Variants in SPATA9 observed in about 807,000 individuals in gnomAD.
SPATA9 encodes spermatogenesis-associated protein 9.
SPATA9 carries 27 observed loss-of-function variants against 25.5 expected under a neutral mutation model. The ratio of observed to expected loss-of-function variants is 1.06; its 90% confidence interval spans 0.78 to 1.46. The LOEUF (loss-of-function observed/expected upper bound fraction) is 1.46. Ranked by LOEUF, SPATA9 falls within the 40% of genes most tolerant of loss-of-function variation. The pLI, the probability that SPATA9 is intolerant of heterozygous loss-of-function variation, is 0.00. For missense variants in SPATA9, 282 were observed against 297.5 expected (o/e 0.95, Z 0.38); for synonymous variants, 102 against 105.7 (o/e 0.97, Z 0.21).
intron 2 of SPATA9, 40 bp downstream of exon 2, chr5:95,682,488 A>AT (rs761081169): frequency 4.4e-6 from 6 of 1,361,650 alleles, no homozygotes; most frequent in Admixed American, 1.9e-5. Flanking sequence ...AATAGAATAT[A>AT]TTTTTTCTAT....
At chr5:95,709,774 A>G in the SPATA9 span, among the ~76,000 whole-genome samples, 1 of 152,130 alleles carries the variant, frequency 6.6e-6, no homozygotes, top group African/African-American at 2.4e-5. Flanking sequence ...TGTAAAGTCA[A>G]TTTCACACTT....
the SPATA9 span, chr5:95,730,945 G>C: frequency 2.1e-6 from 1 of 473,598 alleles, no homozygotes; most frequent in South Asian, 1.5e-5. Context: ...CGGGTTGCTG[G>C]GGCGGCACTC....
the SPATA9 span, among the ~76,000 whole-genome samples, chr5:95,706,248 C>T: frequency 1.3e-5 from 2 of 151,796 alleles, no homozygotes; most frequent in African/African-American, 4.9e-5. Flanking sequence ...AATCTCATGT[C>T]GAATTGTAAT....
chr5:95,679,445 A>C (rs1336479554), intron 2 of SPATA9, among the ~76,000 whole-genome samples: 2 of 152,214 alleles, frequency 1.3e-5, no homozygotes, highest in Non-Finnish European at 2.9e-5. Context: ...GCCAAGGCTA[A>C]GATACAGCAT....
chr5:95,731,991 C>T, the SPATA9 span: 4 of 1,614,160 alleles, frequency 2.5e-6, no homozygotes, highest in East Asian at 8.9e-5. Context: ...TGTTGCTGAA[C>T]GCGGCCAGCA....
At chr5:95,697,916 A>AC (rs567873040) in intron 1 of SPATA9, among the ~76,000 whole-genome samples, 9 of 148,266 alleles carry the variant, frequency 6.1e-5, no homozygotes, top group African/African-American at 2.4e-4. Context: ...AAAAAAAAAA[A>AC]AGCAGCTCAC....
At chr5:95,706,249 G>A in the SPATA9 span, among the ~76,000 whole-genome samples, 107 of 151,952 alleles carry the variant, frequency 7.0e-4, no homozygotes, top group Middle Eastern at 6.8e-3. Context: ...ATCTCATGTC[G>A]AATTGTAATT....
At chr5:95,653,904 A>G (rs185907209), downstream of SPATA9, among the ~76,000 whole-genome samples, 16 of 152,292 alleles carry the variant, frequency 1.1e-4, no homozygotes, top group East Asian at 1.7e-3. Flanking sequence ...TCTCAAAATA[A>G]TAATAATCTA....
chr5:95,706,178 T>C, the SPATA9 span, among the ~76,000 whole-genome samples: 3 of 151,794 alleles, frequency 2.0e-5, no homozygotes. Flanking sequence ...AAGGAGTGGA[T>C]TCACTTACTT....
At chr5:95,689,112 G>A (rs934495628) in intron 1 of SPATA9, among the ~76,000 whole-genome samples, 1 of 152,096 alleles carries the variant, frequency 6.6e-6, no homozygotes, top group Non-Finnish European at 1.5e-5. Flanking sequence ...ACTGTAACCC[G>A]TTATAGTGAA....
chr5:95,688,704 T>G (rs1464458931), intron 1 of SPATA9, among the ~76,000 whole-genome samples: 1 of 152,094 alleles, frequency 6.6e-6, no homozygotes. Flanking sequence ...TAATAGACAC[T>G]GGAGACTCAG....
chr5:95,731,760 C>A, the SPATA9 span: 1 of 1,606,586 alleles, frequency 6.2e-7, no homozygotes, highest in Non-Finnish European at 8.5e-7. Flanking sequence ...GGCTGGTGCC[C>A]ATCCTCGCCG....
intron 1 of SPATA9, among the ~76,000 whole-genome samples, chr5:95,693,497 T>C (rs1252650609): frequency 6.6e-6 from 1 of 152,208 alleles, no homozygotes; most frequent in East Asian, 1.9e-4. Flanking sequence ...AAGATTTTAT[T>C]TATATGAAGC....
intron 2 of SPATA9, among the ~76,000 whole-genome samples, chr5:95,679,813 A>C (rs1217342435): frequency 1.3e-5 from 2 of 152,250 alleles, no homozygotes; most frequent in African/African-American, 2.4e-5. Flanking sequence ...CCAGAACTCT[A>C]CTATAGCTAA....
intron 2 of SPATA9, among the ~76,000 whole-genome samples, chr5:95,676,396 A>G (rs538611307): frequency 6.6e-6 from 1 of 152,346 alleles, no homozygotes; most frequent in South Asian, 2.1e-4. Flanking sequence ...CTGAATTTTT[A>G]AAGAGCTATT....
At chr5:95,720,010 G>A in the SPATA9 span, among the ~76,000 whole-genome samples, 1 of 152,080 alleles carries the variant, frequency 6.6e-6, no homozygotes, top group African/African-American at 2.4e-5. Flanking sequence ...TTCCTATAAG[G>A]GAAGACAGTG....
intron 4 of SPATA9, chr5:95,659,332 A>T (rs1041416366): frequency 6.3e-6 from 1 of 158,616 alleles, no homozygotes; most frequent in African/African-American, 2.4e-5. Flanking sequence ...ATGAAAGGAC[A>T]TCAACATATC....
chr5:95,655,981 C>G, downstream of SPATA9: 1 of 1,459,590 alleles, frequency 6.9e-7, no homozygotes, highest in Non-Finnish European at 9.3e-7. Flanking sequence ...CTGCAGCAGA[C>G]TCTTCAGAGT....
the SPATA9 span, among the ~76,000 whole-genome samples, chr5:95,715,677 G>A: frequency 0.016 from 2,418 of 152,068 alleles, 61 homozygotes; most frequent in African/African-American, 0.055. Context: ...CTCAGGGTAG[G>A]GAAGAATTTC....
Sources: allele counts gnomAD v4.1 joint callset (sites outside exome capture counted in the v4.1 genomes callset), GRCh38; gene constraint gnomAD v4.1.1; transcripts MANE v1.5; gene names NCBI Gene and HGNC (gene_info 2026-07-23, HGNC 2026-07-21).